The following BRWD3 variants were observed in gnomAD, a reference collection of about 807,000 sequenced individuals.
BRWD3 encodes bromodomain and WD repeat-containing protein 3.
In BRWD3, 10 loss-of-function variants were observed where a neutral mutation model predicts 149.7. That is an observed-to-expected ratio of 0.07 (90% CI 0.04 to 0.11). The LOEUF is 0.11. Ranked by LOEUF, BRWD3 falls within the 10% of genes least tolerant of loss-of-function variation. The pLI is 1.00. For missense variants in BRWD3, 940 were observed against 1,373.2 expected (o/e 0.68, Z 4.99); for synonymous variants, 504 against 456.7 (o/e 1.10, Z -1.32).
chrX:80,800,774 C>T (rs1180248018), intron 4 of BRWD3, among the ~76,000 whole-genome samples: 2 of 111,101 alleles, frequency 1.8e-5, no homozygotes, highest in African/African-American at 3.3e-5. Flanking sequence ...AAAAAGACAG[C>T]AGGCAGGCCT....
At position 80,734,138 on chromosome X, in the gene BRWD3, C is replaced by A; in HGVS notation, c.1066G>T (p.Ala356Ser). Residue 356 changes from alanine (A) to serine (S), a missense_variant, in exon 11 of 41, where the codon GCT (alanine) becomes TCT (serine). By Grantham distance (99) the Ala-to-Ser change is moderately conservative. Coordinates refer to ENST00000373275, the MANE Select transcript of BRWD3 (RefSeq NM_153252.5). ...CTTACCGTATGTGACTCTAATTCAG[C>A]AATTTTCTCAGGAACCTCAGAACCC... is the stretch of plus-strand genomic sequence containing the variant. ...YLGSEVPEKI[A>S]ELESHTDKVV... 1.7e-6 allele frequency: 2 copies of A among 1,196,238 alleles called. No homozygotes were observed. Among genetic ancestry groups the A allele is most frequent in the Non-Finnish European group, 2.3e-6 (2 of 881,839 alleles).
At chrX:80,789,311 C>A (rs2074149812) in intron 6 of BRWD3, among the ~76,000 whole-genome samples, 1 of 112,703 alleles carries the variant, frequency 8.9e-6, no homozygotes, top group Non-Finnish European at 1.9e-5. Context: ...CAGGAACTTA[C>A]AGGATCTTTG....
In BRWD3 at chrX:80,673,983, G is replaced by A. The variant is rs1028184110; in HGVS notation, c.*2626C>T. Reference sequence around the variant, plus strand: ...GGAGGTGGTATTACAAGAAAGCAAAGTGTAAATTGGGGGAAAAAAAAGTCC... The same window carrying A: ...GGAGGTGGTATTACAAGAAAGCAAAATGTAAATTGGGGGAAAAAAAAGTCC... On this transcript the variant is annotated 3_prime_UTR_variant, in exon 41 of 41. Coordinates refer to ENST00000373275, the MANE Select transcript of BRWD3 (RefSeq NM_153252.5). 7 of 111,144 alleles carry A rather than the reference G, an allele frequency of 6.3e-5. No individual in the cohort carries two copies. In the Admixed American group the frequency reaches 6.7e-4, roughly 11 times the overall value. 9.2% of individuals were successfully genotyped at this position (111,144 alleles called of 1,213,427 possible).
chrX:80,705,946 T>C (rs2072857465), intron 22 of BRWD3, among the ~76,000 whole-genome samples: 1 of 112,235 alleles, frequency 8.9e-6, no homozygotes, highest in African/African-American at 3.2e-5. Context: ...TTACAAACAC[T>C]ACGCTTAGGT....
In BRWD3 at chrX:80,674,371, T is replaced by C. The variant is rs780572678; in HGVS notation, c.*2238A>G. ...ATAGCCAAAATCACACAAATGTCAA[T>C]TCTTCTACATTTCAAGAGGTCAGCT... On this transcript the variant is annotated 3_prime_UTR_variant, in exon 41 of 41. Transcript: ENST00000373275. 9.0e-6 allele frequency: 1 copy of C among 111,652 alleles called. No individual in the cohort carries two copies. Among genetic ancestry groups the C allele is most frequent in the Non-Finnish European group, 1.9e-5 (1 of 52,985 alleles). 9.2% of individuals were successfully genotyped at this position (111,652 alleles called of 1,213,427 possible).
chrX:80,731,666 G>A (rs1192941622), intron 12 of BRWD3, among the ~76,000 whole-genome samples: 16 of 110,010 alleles, frequency 1.5e-4, no homozygotes, highest in Non-Finnish European at 3.0e-4. Flanking sequence ...AGGCCGAGGC[G>A]GGCAGATCAC....
At chrX:80,754,904 A>G (rs1037603504) in intron 6 of BRWD3, among the ~76,000 whole-genome samples, 6 of 111,545 alleles carry the variant, frequency 5.4e-5, no homozygotes, top group African/African-American at 2.0e-4. Context: ...GCTACTCAGG[A>G]GGCTGAGGCC....
rs2073373734 is a variant in BRWD3, at chrX:80,734,309, G to A, written c.986-91C>T. ...CTTAGTTGTATGCTACCTTGCATTA[G>A]TAAAAAGGCTTAAAGAAACACAAGG... On this transcript the variant is annotated intron_variant, in intron 10 of 40. Transcript: ENST00000373275. The A allele has an allele frequency of 1.5e-5, 9 of 586,650 alleles. No individual in the cohort carries two copies. In the East Asian group the frequency reaches 3.0e-4, roughly 20 times the overall value. The allele number at this position is 586,650 out of a possible 1,213,427, so 48.3% of individuals were successfully genotyped here.
At chrX:80,740,884 C>A (rs749719908) in intron 8 of BRWD3, among the ~76,000 whole-genome samples, 7 of 110,940 alleles carry the variant, frequency 6.3e-5, no homozygotes, top group Non-Finnish European at 1.1e-4. Context: ...CAAGGTATGC[C>A]AATATTCAAG....
chrX:80,758,492 C>G (rs919571369), intron 6 of BRWD3, among the ~76,000 whole-genome samples: 1 of 111,678 alleles, frequency 9.0e-6, no homozygotes, highest in Non-Finnish European at 1.9e-5. Flanking sequence ...CCATTCCGAC[C>G]TCTGCCTAAA....
intron 6 of BRWD3, among the ~76,000 whole-genome samples, chrX:80,763,775 A>G (rs987007383): frequency 8.9e-6 from 1 of 112,252 alleles, no homozygotes; most frequent in Non-Finnish European, 1.9e-5. Context: ...ATGTTCATGG[A>G]TTGGAAAGTT....
chrX:80,766,687 C>A (rs973323294), intron 6 of BRWD3, among the ~76,000 whole-genome samples: 2 of 111,742 alleles, frequency 1.8e-5, no homozygotes, highest in Non-Finnish European at 3.8e-5. Flanking sequence ...CAGCTCCCAG[C>A]GTGATCGATG....
At chrX:80,685,575 T>C (rs2072509955) in intron 35 of BRWD3, 39 bp from the exon 36 acceptor site, 6 of 1,001,463 alleles carry the variant, frequency 6.0e-6, no homozygotes, top group Non-Finnish European at 8.5e-6. Context: ...TCCAGACAAC[T>C]ATAACAAAAT....
rs148103495 is a variant in BRWD3, at chrX:80,788,919, T to C, written c.430+2935A>G. ...GAAGTATAGTCAGTCACAGAAAGAT[T>C]AGTGGTTTCCAGGGGTTGAGCAAAC... On this transcript the variant is annotated intron_variant, in intron 6 of 40. Coordinates refer to ENST00000373275, the MANE Select transcript of BRWD3 (RefSeq NM_153252.5). Among the ~76,000 whole-genome samples the C allele has an allele frequency of 7.1e-5, 8 of 112,018 alleles. No individual in the cohort carries two copies. The East Asian group carries it at 2.0e-3, about 28-fold the overall frequency.
chrX:80,725,300 A>T (rs1479171184), intron 14 of BRWD3, among the ~76,000 whole-genome samples: 1 of 111,962 alleles, frequency 8.9e-6, no homozygotes, highest in African/African-American at 3.2e-5. Context: ...TTTTAAAATA[A>T]AGATAGTCTA....
intron 25 of BRWD3, among the ~76,000 whole-genome samples, chrX:80,698,240 A>G (rs771824475): frequency 4.0e-4 from 45 of 112,082 alleles, no homozygotes; most frequent in South Asian, 1.8e-3. Flanking sequence ...CTGATTATTA[A>G]TCACATTTAA....
At chrX:80,766,265 T>C (rs1015080154) in intron 6 of BRWD3, among the ~76,000 whole-genome samples, 7 of 111,429 alleles carry the variant, frequency 6.3e-5, no homozygotes, top group Admixed American at 9.6e-5. Context: ...ACCATCAGCT[T>C]TAATGATTCT....
intron 20 of BRWD3, among the ~76,000 whole-genome samples, chrX:80,713,409 T>C (rs2073022385): frequency 8.9e-6 from 1 of 112,069 alleles, no homozygotes; most frequent in South Asian, 3.7e-4. Context: ...CTGTGCTCTC[T>C]GAAACATGTG....
intron 6 of BRWD3, among the ~76,000 whole-genome samples, chrX:80,758,914 G>A (rs774763415): frequency 1.2e-4 from 14 of 112,047 alleles, no homozygotes; most frequent in Non-Finnish European, 1.3e-4. Flanking sequence ...ACTCACAGCT[G>A]TAATTTATAG....
Sources: gnomAD v4.1 joint callset for allele counts (sites outside exome capture counted in the v4.1 genomes callset) on GRCh38, gnomAD v4.1.1 for gene constraint, MANE v1.5 for transcripts, NCBI Gene and HGNC (gene_info 2026-07-23, HGNC 2026-07-21) for gene names.